WLS: variants seen among roughly 807,000 people sequenced by gnomAD.
WLS encodes protein wntless homolog.
A neutral mutation model predicts 62.8 loss-of-function variants in WLS; 23 were observed. The ratio of observed to expected loss-of-function variants is 0.37; its 90% CI spans 0.26 to 0.52. The LOEUF is 0.52. Among genes scored for constraint, WLS ranks in the 20% least tolerant of loss-of-function variants. WLS has a pLI of 0.92. For synonymous variants in WLS, 246 were observed against 244.1 expected (o/e 1.01, Z -0.07); for missense variants, 615 against 697.3 (o/e 0.88, Z 1.33).
intron 11 of WLS, among the ~76,000 whole-genome samples, chr1:68,114,316 G>A (rs926465225): frequency 6.6e-6 from 1 of 152,104 alleles, no homozygotes; most frequent in Non-Finnish European, 1.5e-5. Flanking sequence ...GAAAACACTG[G>A]ATTCTATAGC....
rs188445106 is a variant in WLS at position 68,107,858 on chromosome 1, C to T, written c.1511-9105G>A. ...GCACAGAGATTCAGACCCGGGTCTG[C>T]GGGACACACCCCAGGCTCTGAGGTG... On this transcript the variant is annotated intron_variant, in intron 11 of 11. Coordinates refer to the WLS transcript ENST00000354777. Among the ~76,000 whole-genome samples the T allele has an allele frequency of 2.6e-3, 393 of 152,128 alleles. 4 individuals are homozygous for T. The highest frequency in any genetic ancestry group is 8.8e-3 in the African/African-American group (367 of 41,496).
intron 1 of WLS, among the ~76,000 whole-genome samples, chr1:68,227,445 G>A (rs1650205322): frequency 6.7e-6 from 1 of 149,740 alleles, no homozygotes; most frequent in African/African-American, 2.5e-5. Context: ...GAGATTGTTA[G>A]CATGAGCATG....
intron 2 of WLS, among the ~76,000 whole-genome samples, chr1:68,181,683 G>A (rs907530629): frequency 2.0e-5 from 3 of 152,150 alleles, no homozygotes; most frequent in South Asian, 2.1e-4. Flanking sequence ...GATGTACAAC[G>A]AGGAGATCCT....
intron 10 of WLS, among the ~76,000 whole-genome samples, chr1:68,143,500 A>G (rs1157780668): frequency 6.6e-6 from 1 of 152,220 alleles, no homozygotes; most frequent in African/African-American, 2.4e-5. Context: ...GTGGTCCTGT[A>G]AGATTATAAT....
chr1:68,154,231 T>C (rs1042348682), intron 4 of WLS, among the ~76,000 whole-genome samples: 1 of 152,148 alleles, frequency 6.6e-6, no homozygotes, highest in African/African-American at 2.4e-5. Flanking sequence ...TTAATCCTCA[T>C]TCTACCCTCA....
chr1:68,113,264 G>A (rs560323833), intron 11 of WLS, among the ~76,000 whole-genome samples: 18 of 152,202 alleles, frequency 1.2e-4, no homozygotes, highest in Admixed American at 6.5e-4. Flanking sequence ...GTTTGAGAAA[G>A]AGATGCTTTG....
chr1:68,228,125 T>C, intron 1 of WLS: 6 of 355,036 alleles, frequency 1.7e-5, no homozygotes, highest in South Asian at 1.4e-4. Flanking sequence ...ATCCTCAACA[T>C]TAAAAATTTA....
chr1:68,110,108 A>G (rs1483068872), intron 11 of WLS, among the ~76,000 whole-genome samples: 1 of 151,716 alleles, frequency 6.6e-6, no homozygotes, highest in East Asian at 1.9e-4. Context: ...ATTCTTTAAA[A>G]AGACTATTAG....
At chr1:68,173,875 A>T (rs1398187857) in intron 2 of WLS, among the ~76,000 whole-genome samples, 1 of 152,150 alleles carries the variant, frequency 6.6e-6, no homozygotes, top group Non-Finnish European at 1.5e-5. Context: ...TCTAGGCAAG[A>T]TAAATAAATG....
In WLS at chr1:68,194,040, G is replaced by T; in HGVS notation, c.294C>A (p.Leu98=). 1 of 1,614,184 alleles carries T rather than the reference G, an allele frequency of 6.2e-7. No homozygotes were observed. The highest frequency in any genetic ancestry group is 1.1e-5 in the South Asian group (1 of 91,080). Residue 98 remains leucine (L), a synonymous_variant, in exon 2 of 12, where the codon CTC becomes CTA. Transcript: ENST00000262348. The part of the protein sequence containing the change: ...NDIVFSVHIP[L]PHMEMSPWFQ... ...ACCAAGGACTCATCTCCATGTGGGGGAGGGGAATGTGAACAGAAAACACGA... is the reference window on the plus strand; with the variant it reads ...ACCAAGGACTCATCTCCATGTGGGGTAGGGGAATGTGAACAGAAAACACGA...
intron 1 of WLS, among the ~76,000 whole-genome samples, chr1:68,212,702 C>T (rs530607183): frequency 1.3e-5 from 2 of 152,042 alleles, no homozygotes; most frequent in Non-Finnish European, 2.9e-5. Flanking sequence ...CTAAATAGTT[C>T]CACCTTATCT....
At chr1:68,128,680 G>T (rs1247826093) in intron 11 of WLS, among the ~76,000 whole-genome samples, 1 of 152,158 alleles carries the variant, frequency 6.6e-6, no homozygotes. Flanking sequence ...AGCCAAAATT[G>T]CCTTGGCTTC....
intron 1 of WLS, among the ~76,000 whole-genome samples, chr1:68,214,509 C>G (rs1036564129): frequency 2.0e-5 from 3 of 152,070 alleles, no homozygotes; most frequent in African/African-American, 7.2e-5. Context: ...GGACTACAGG[C>G]AGGTGAAACC....
intron 2 of WLS, chr1:68,162,830 T>G: frequency 7.8e-7 from 1 of 1,289,848 alleles, no homozygotes; most frequent in Non-Finnish European, 1.1e-6. Context: ...TCCTCCCTGG[T>G]GAGGATGATG....
chr1:68,107,333 T>C (rs560592835), intron 11 of WLS, among the ~76,000 whole-genome samples: 1 of 152,234 alleles, frequency 6.6e-6, no homozygotes, highest in African/African-American at 2.4e-5. Context: ...TGTGGCAATT[T>C]ATCTTTGAAC....
chr1:68,150,567 T>C (rs1646812621), intron 5 of WLS, among the ~76,000 whole-genome samples: 1 of 152,194 alleles, frequency 6.6e-6, no homozygotes, highest in Non-Finnish European at 1.5e-5. Flanking sequence ...TCTATGGAAG[T>C]GAACCTGACC....
chr1:68,199,051 G>A (rs961972642), intron 1 of WLS, among the ~76,000 whole-genome samples: 3 of 122,768 alleles, frequency 2.4e-5, no homozygotes, highest in African/African-American at 9.5e-5. Flanking sequence ...TCCAGAACCT[G>A]TAATTTAAGA....
intron 5 of WLS, among the ~76,000 whole-genome samples, chr1:68,153,272 T>C (rs897589358): frequency 3.3e-5 from 5 of 151,904 alleles, no homozygotes; most frequent in African/African-American, 1.2e-4. Flanking sequence ...AGACCTTGTC[T>C]CCAAAAAATA....
At chr1:68,198,779 GAT>G (rs1302901294) in intron 1 of WLS, among the ~76,000 whole-genome samples, 2 of 152,220 alleles carry the variant, frequency 1.3e-5, no homozygotes, top group South Asian at 2.1e-4. Flanking sequence ...GCAACAGTCA[GAT>G]ATTTGGGAGG....
Sources: allele counts gnomAD v4.1 joint callset (sites outside exome capture counted in the v4.1 genomes callset), GRCh38; gene constraint gnomAD v4.1.1; transcripts MANE v1.5; gene names NCBI Gene and HGNC (gene_info 2026-07-23, HGNC 2026-07-21).